SLC24A4: variants seen among roughly 807,000 people sequenced by gnomAD.
SLC24A4 encodes sodium/potassium/calcium exchanger 4.
SLC24A4 carries 53 observed loss-of-function variants against 79.0 expected under a neutral mutation model. That is an observed-to-expected ratio of 0.67 (90% CI 0.54 to 0.84). SLC24A4 has a LOEUF of 0.84. SLC24A4 is among the 40% of genes least tolerant of loss of function. The probability of loss-of-function intolerance (pLI) is 0.00; values close to 1 mark genes in which losing one functional copy is unlikely to be tolerated. For synonymous variants in SLC24A4, 323 were observed against 323.8 expected, an observed-to-expected ratio of 1.00 and a Z score of 0.03; for missense variants, 731 against 822.0, an observed-to-expected ratio of 0.89 and a Z score of 1.35.
chr14:92,469,410 G>A (rs568718372), intron 12 of SLC24A4, among the ~76,000 whole-genome samples: 12 of 152,078 alleles, frequency 7.9e-5, no homozygotes, highest in Admixed American at 2.0e-4. Flanking sequence ...TCAGGAGGCT[G>A]AGGCAGGAGA....
chr14:92,341,769 A>C (rs1886156913), intron 2 of SLC24A4, among the ~76,000 whole-genome samples: 1 of 152,302 alleles, frequency 6.6e-6, no homozygotes, highest in Middle Eastern at 3.4e-3. Flanking sequence ...CACGTGCTGG[A>C]GGGTTTATTA....
At chr14:92,337,668 T>G (rs1299344703) in intron 2 of SLC24A4, among the ~76,000 whole-genome samples, 1 of 152,230 alleles carries the variant, frequency 6.6e-6, no homozygotes, top group East Asian at 1.9e-4. Context: ...CAGGGTGTGT[T>G]TCATTCACTG....
intron 12 of SLC24A4, among the ~76,000 whole-genome samples, chr14:92,481,200 A>G (rs1054318713): frequency 1.4e-4 from 21 of 152,226 alleles, no homozygotes; most frequent in African/African-American, 4.8e-4. Flanking sequence ...GCATGTGTAG[A>G]ACCCTGGGCA....
intron 2 of SLC24A4, among the ~76,000 whole-genome samples, chr14:92,385,075 T>G (rs943767961): frequency 2.0e-5 from 3 of 152,224 alleles, no homozygotes; most frequent in Non-Finnish European, 4.4e-5. Flanking sequence ...CAGCAAGCGC[T>G]TAACAAGCAT....
chr14:92,433,759 C>G (rs1892005295), intron 2 of SLC24A4, among the ~76,000 whole-genome samples, 153 bp from the exon 3 acceptor site: 1 of 152,222 alleles, frequency 6.6e-6, no homozygotes, highest in Non-Finnish European at 1.5e-5. Context: ...GAGCACTGGT[C>G]TGCCCCTGGA....
chr14:92,405,088 C>G (rs2141773110), intron 2 of SLC24A4, among the ~76,000 whole-genome samples: 1 of 152,262 alleles, frequency 6.6e-6, no homozygotes, highest in African/African-American at 2.4e-5. Context: ...TGCTGACTGC[C>G]TGGGTACAAA....
chr14:92,346,779 T>C (rs894022658), intron 2 of SLC24A4, among the ~76,000 whole-genome samples: 10 of 152,194 alleles, frequency 6.6e-5, no homozygotes, highest in East Asian at 1.9e-4. Flanking sequence ...ACAGATTAAA[T>C]TGTAATCTGT....
At chr14:92,393,282 G>A (rs1038735627) in intron 2 of SLC24A4, among the ~76,000 whole-genome samples, 3 of 152,224 alleles carry the variant, frequency 2.0e-5, no homozygotes, top group African/African-American at 7.2e-5. Context: ...ATCACAAAAC[G>A]GTCAGGTTGG....
intron 12 of SLC24A4, among the ~76,000 whole-genome samples, chr14:92,472,642 A>G (rs961153261): frequency 3.9e-5 from 6 of 152,094 alleles, no homozygotes; most frequent in Admixed American, 3.3e-4. Flanking sequence ...GTGAACATAT[A>G]TGTGCATATA....
intron 2 of SLC24A4, among the ~76,000 whole-genome samples, chr14:92,386,678 A>C (rs138086990): frequency 7.2e-5 from 11 of 152,326 alleles, no homozygotes; most frequent in South Asian, 2.1e-4. Flanking sequence ...AGAAGCATGT[A>C]GTTCACGACT....
intron 2 of SLC24A4, among the ~76,000 whole-genome samples, chr14:92,397,333 C>T (rs1289527022): frequency 2.0e-5 from 3 of 152,190 alleles, no homozygotes; most frequent in African/African-American, 7.2e-5. Context: ...GGAGGAGTCC[C>T]TGAGTCACCA....
At chr14:92,437,174 C>G (rs1322377518) in intron 3 of SLC24A4, among the ~76,000 whole-genome samples, 1 of 152,302 alleles carries the variant, frequency 6.6e-6, no homozygotes, top group East Asian at 1.9e-4. Context: ...TTCCGTGGGT[C>G]CTGATCCTTG....
intron 12 of SLC24A4, among the ~76,000 whole-genome samples, chr14:92,474,709 GTA>G (rs201628605): frequency 0.27 from 2,192 of 8,066 alleles, 100 homozygotes; most frequent in East Asian, 0.55. Flanking sequence ...ATACGTGTGT[GTA>G]TATATATATA....
chr14:92,329,455 T>C (rs1276163002), intron 2 of SLC24A4, among the ~76,000 whole-genome samples: 1 of 152,212 alleles, frequency 6.6e-6, no homozygotes, highest in Non-Finnish European at 1.5e-5. Context: ...TTGATCTCAT[T>C]ATCTGAGTTT....
chr14:92,453,403 A>T (rs1198974401), intron 10 of SLC24A4: 1 of 152,636 alleles, frequency 6.6e-6, no homozygotes, highest in East Asian at 1.9e-4. Context: ...CCTCGTAGGA[A>T]GTTCAGAGCC....
Position 92,323,232 on chromosome 14 carries a change from C to G in SLC24A4, c.-599C>G, listed in dbSNP as rs1247089095. 1 of 152,088 alleles carries G rather than the reference C, an allele frequency of 6.6e-6. No individual in the cohort carries two copies. Among genetic ancestry groups the G allele is most frequent in the Non-Finnish European group, 1.5e-5 (1 of 68,004 alleles). The allele number at this position is 152,088 out of a possible 1,614,324, so 9.4% of individuals were successfully genotyped here. On this transcript the variant is annotated 5_prime_UTR_variant, in exon 1 of 17. Coordinates refer to ENST00000532405, the MANE Select transcript of SLC24A4 (RefSeq NM_153646.4). This position sits in a 1 kb window ranked among gnomAD's most constrained non-coding sequence, Gnocchi z 4.9. The stretch of plus-strand genomic sequence containing the variant: ...CGGGGAGAGCTCGCCCCTGGGAGGG[C>G]CGACGTCGAGCCTGCTCGCCGCGAG...
At chr14:92,443,599 G>A in intron 7 of SLC24A4, 125 bp downstream of exon 7, 1 of 955,400 alleles carries the variant, frequency 1.0e-6, no homozygotes, top group Non-Finnish European at 1.6e-6. Context: ...AGTGGGGTGT[G>A]CCAGCCACTC....
intron 2 of SLC24A4, 147 bp downstream of exon 2, chr14:92,326,125 A>G (rs763926455): frequency 6.5e-5 from 38 of 581,164 alleles, no homozygotes; most frequent in Non-Finnish European, 9.4e-5. Context: ...ATTGAAAGGT[A>G]ACATAAAGAC....
At chr14:92,380,425 G>C (rs1450560919) in intron 2 of SLC24A4, among the ~76,000 whole-genome samples, 1 of 152,138 alleles carries the variant, frequency 6.6e-6, no homozygotes, top group African/African-American at 2.4e-5. Context: ...AAAAAGGCCA[G>C]TTTTTGCCCC....
Sources: gnomAD v4.1 joint callset for allele counts (sites outside exome capture counted in the v4.1 genomes callset) on GRCh38, gnomAD v4.1.1 for gene constraint, Gnocchi (gnomAD v3.1) non-coding constraint, MANE v1.5 for transcripts, NCBI Gene and HGNC (gene_info 2026-07-23, HGNC 2026-07-21) for gene names.